HDAC9: variants seen among roughly 807,000 people sequenced by gnomAD.
HDAC9 encodes the protein MEF-2 interacting transcription repressor (MITR) protein.
Under a neutral mutation model 139.4 loss-of-function variants are expected in HDAC9, and 41 were observed. The ratio of observed to expected loss-of-function variants is 0.29; its 90% CI spans 0.23 to 0.38. HDAC9 has a LOEUF of 0.38. Among genes scored for constraint, HDAC9 ranks in the 10% least tolerant of loss-of-function variants. HDAC9 has a pLI of 1.00. For synonymous variants in HDAC9, 517 were observed against 476.2 expected, an observed-to-expected ratio of 1.09 and a Z score of -1.12; for missense variants, 1,147 against 1,297.0, an observed-to-expected ratio of 0.88 and a Z score of 1.78.
intron 1 of HDAC9, among the ~76,000 whole-genome samples, chr7:18,319,528 C>G (rs1001163144): frequency 2.0e-5 from 3 of 152,164 alleles, no homozygotes; most frequent in Non-Finnish European, 2.9e-5. Flanking sequence ...CTTGCAAAGC[C>G]TAAATTTTAT....
At chr7:18,978,999 C>T (rs1323399663) in intron 25 of HDAC9, among the ~76,000 whole-genome samples, 3 of 152,026 alleles carry the variant, frequency 2.0e-5, no homozygotes, top group Non-Finnish European at 2.9e-5. Flanking sequence ...GTTAGATTTG[C>T]AGTTGTCATT....
rs554932477 is a variant in HDAC9 at position 18,990,521 on chromosome 7, C to A, written c.3171-5502C>A. Among the ~76,000 whole-genome samples the A allele has an allele frequency of 2.0e-5, 3 of 152,358 alleles. No individual in the cohort carries two copies. In the South Asian group the frequency reaches 6.2e-4, roughly 32 times the overall value. On this transcript the variant is annotated intron_variant, in intron 25 of 25. Coordinates refer to ENST00000686413, the MANE Select transcript of HDAC9 (RefSeq NM_178425.4). ...TTTTTGTTTGTCTGTGCCCTGCCCC[C>A]AGAGGTGGAGCCTATAGAGGCAGGC...
At chr7:18,169,508 G>A (rs1019045843) in intron 2 of HDAC9, among the ~76,000 whole-genome samples, 6 of 151,198 alleles carry the variant, frequency 4.0e-5, no homozygotes, top group Non-Finnish European at 5.9e-5. Context: ...TGTGCACAAC[G>A]TACATGTTTG....
At chr7:18,694,704 T>C (rs1044867673) in intron 12 of HDAC9, among the ~76,000 whole-genome samples, 1 of 152,108 alleles carries the variant, frequency 6.6e-6, no homozygotes, top group African/African-American at 2.4e-5. Flanking sequence ...TATTTCTCTG[T>C]GGTGTCCTGG....
At chr7:18,169,996 A>G (rs1265746428) in intron 2 of HDAC9, among the ~76,000 whole-genome samples, 1 of 152,190 alleles carries the variant, frequency 6.6e-6, no homozygotes, top group Admixed American at 6.5e-5. Flanking sequence ...TGCTGGGTCA[A>G]ATGGTACTTC....
intron 13 of HDAC9, among the ~76,000 whole-genome samples, chr7:18,744,048 C>G (rs1232806990): frequency 8.0e-6 from 1 of 124,552 alleles, no homozygotes; most frequent in Non-Finnish European, 1.6e-5. Flanking sequence ...TGGAGTTTCG[C>G]TCTTGTTACC....
rs938464185 is a variant in HDAC9 at position 18,627,715 on chromosome 7, C to T, written c.665-1635C>T. ...CATGTGGGAGTCCCGGCAAGTGATA[C>T]ATTTCAGATCTCTATCACTTTGAGC... is the stretch of plus-strand genomic sequence containing the variant. On this transcript the variant is annotated intron_variant, in intron 6 of 25. Transcript: ENST00000686413. 2.0e-5 allele frequency among the ~76,000 whole-genome samples: 3 copies of T among 152,016 alleles called. No homozygotes were observed. The East Asian group carries it at 5.9e-4, about 30-fold the overall frequency.
At chr7:18,289,343 CCTTT>C (rs1482221791), upstream of HDAC9, among the ~76,000 whole-genome samples, 3 of 152,186 alleles carry the variant, frequency 2.0e-5, no homozygotes, top group East Asian at 3.9e-4. Context: ...CAAAGTTTTT[CCTTT>C]CTTTATTTTA....
intron 6 of HDAC9, among the ~76,000 whole-genome samples, chr7:18,599,909 A>C (rs1319034711): frequency 6.6e-6 from 1 of 152,158 alleles, no homozygotes; most frequent in Non-Finnish European, 1.5e-5. Flanking sequence ...ACTATTTTGC[A>C]TGACCACTAG....
intron 12 of HDAC9, among the ~76,000 whole-genome samples, chr7:18,681,140 ATTCAAGCCTTC>A (rs1781861568): frequency 6.6e-6 from 1 of 152,056 alleles, no homozygotes; most frequent in Non-Finnish European, 1.5e-5. Flanking sequence ...TGTCATTCTA[ATTCAAGCCTTC>A]TTCTTTGGTT....
chr7:18,810,158 G>A (rs1794062015), intron 17 of HDAC9, among the ~76,000 whole-genome samples: 1 of 151,808 alleles, frequency 6.6e-6, no homozygotes, highest in African/African-American at 2.4e-5. Context: ...CATAGAAACA[G>A]GGGGTTGCCA....
intron 1 of HDAC9, among the ~76,000 whole-genome samples, chr7:18,477,619 C>T (rs1795215155): frequency 6.6e-6 from 1 of 152,140 alleles, no homozygotes; most frequent in Non-Finnish European, 1.5e-5. Flanking sequence ...CATCACATTT[C>T]CAGCATTCAT....
At position 18,266,219 on chromosome 7, in the gene HDAC9, A is replaced by G. The variant is rs953117230; in HGVS notation, c.25+103870A>G. 4.9e-4 allele frequency among the ~76,000 whole-genome samples: 75 copies of G among 152,192 alleles called. 3 individuals are homozygous for G. Among genetic ancestry groups the G allele is most frequent in the Non-Finnish European group, 2.2e-4 (15 of 68,004 alleles). On this transcript the variant is annotated intron_variant, in intron 2 of 12. Coordinates refer to the HDAC9 transcript ENST00000417496. ...TTTATCTCATTAGAAAATTCTAAGTATTGACAAGATATCATGGTGGCCAAC... is the reference window on the plus strand; with the variant it reads ...TTTATCTCATTAGAAAATTCTAAGTGTTGACAAGATATCATGGTGGCCAAC...
upstream of HDAC9, chr7:18,290,067 A>T (rs1445828432): frequency 6.4e-6 from 1 of 155,814 alleles, no homozygotes; most frequent in Admixed American, 6.3e-5. Context: ...TGCATTAAAA[A>T]ATCACTCCCC....
intron 2 of HDAC9, among the ~76,000 whole-genome samples, chr7:18,203,306 C>T (rs1791270940): frequency 6.6e-6 from 1 of 152,124 alleles, no homozygotes; most frequent in South Asian, 2.1e-4. Flanking sequence ...TTTCCACAGC[C>T]AAACCGTGTA....
intron 1 of HDAC9, among the ~76,000 whole-genome samples, chr7:18,115,908 A>G (rs112234646): frequency 3.3e-5 from 5 of 152,354 alleles, no homozygotes; most frequent in African/African-American, 9.6e-5. Flanking sequence ...TGTGGCTTCA[A>G]ACTCAGGTAT....
At chr7:18,679,585 TTC>T (rs1277002834) in intron 12 of HDAC9, among the ~76,000 whole-genome samples, 2 of 151,232 alleles carry the variant, frequency 1.3e-5, no homozygotes, top group East Asian at 3.9e-4. Flanking sequence ...TTTCTCTTTC[TTC>T]TCTCTCTCCG....
At chr7:18,858,971 T>C (rs1334863810) in intron 21 of HDAC9, among the ~76,000 whole-genome samples, 2 of 152,290 alleles carry the variant, frequency 1.3e-5, no homozygotes, top group East Asian at 3.9e-4. Context: ...CACTATTTTT[T>C]CATCCAAAAA....
intron 2 of HDAC9, among the ~76,000 whole-genome samples, chr7:18,531,691 T>C (rs1396016613): frequency 1.3e-5 from 2 of 152,118 alleles, no homozygotes; most frequent in African/African-American, 4.8e-5. Flanking sequence ...TTCATACTTT[T>C]ACCCCCTAAC....
Sources: gnomAD v4.1 joint callset for allele counts (sites outside exome capture counted in the v4.1 genomes callset) on GRCh38, gnomAD v4.1.1 for gene constraint, MANE v1.5 for transcripts, NCBI Gene and HGNC (gene_info 2026-07-23, HGNC 2026-07-21) for gene names.